UBN2: variants seen among roughly 807,000 people sequenced by gnomAD.
UBN2 encodes the protein ubinuclein-2.
A neutral mutation model predicts 120.2 loss-of-function variants in UBN2; 35 were observed. The ratio of observed to expected loss-of-function variants is 0.29; its 90% CI spans 0.22 to 0.39. The LOEUF (loss-of-function observed/expected upper bound fraction) is 0.39. Ranked by LOEUF, UBN2 falls within the 10% of genes least tolerant of loss-of-function variation. The pLI is 1.00. For synonymous variants in UBN2, 661 were observed against 648.7 expected, an observed-to-expected ratio of 1.02 and a Z score of -0.29; for missense variants, 1,693 against 1,663.2, an observed-to-expected ratio of 1.02 and a Z score of -0.31.
intron 11 of UBN2, 141 bp downstream of exon 11, chr7:139,274,215 A>T: frequency 1.2e-6 from 1 of 816,086 alleles, no homozygotes; most frequent in Non-Finnish European, 1.7e-6. Flanking sequence ...ATCTCAGATG[A>T]TCCTTGCTTT....
chr7:139,328,231 A>G, the UBN2 span, among the ~76,000 whole-genome samples: 1 of 152,202 alleles, frequency 6.6e-6, no homozygotes, highest in Non-Finnish European at 1.5e-5. Flanking sequence ...ACTTACAATC[A>G]TGATGGAAGG....
intron 3 of UBN2, among the ~76,000 whole-genome samples, chr7:139,252,262 G>A (rs1378392897): frequency 2.7e-5 from 4 of 149,424 alleles, no homozygotes; most frequent in Admixed American, 2.7e-4. Flanking sequence ...GGGTTTGTCT[G>A]TGGTGAATTG....
chr7:139,266,098 T>C (rs1256274301), intron 6 of UBN2, among the ~76,000 whole-genome samples: 2 of 151,064 alleles, frequency 1.3e-5, no homozygotes, highest in Non-Finnish European at 3.0e-5. Flanking sequence ...CTCAAAGTAA[T>C]TGTTTATTGC....
intron 5 of UBN2, among the ~76,000 whole-genome samples, 199 bp downstream of exon 5, chr7:139,259,569 G>C (rs2130978319): frequency 6.6e-6 from 1 of 152,302 alleles, no homozygotes; most frequent in African/African-American, 2.4e-5. Flanking sequence ...GAGACTCCTA[G>C]TGTTTTAGGT....
the UBN2 span, chr7:139,315,189 A>T: frequency 6.6e-6 from 1 of 150,944 alleles, no homozygotes; most frequent in African/African-American, 2.4e-5. Flanking sequence ...GTTAGCCAGG[A>T]TGGTCTCGAT....
At position 139,301,516 on chromosome 7, in the gene UBN2, A is replaced by G. The variant is rs996156430; in HGVS notation, c.*3680A>G. ...TATTTGCTGCTACATTTGTAAAATG[A>G]ACTTTGCCTGTATTGGTTGACTTTA... On this transcript the variant is annotated 3_prime_UTR_variant, in exon 18 of 18. Transcript: ENST00000473989. 1.3e-5 allele frequency: 2 copies of G among 152,212 alleles called. No homozygotes were observed. Among genetic ancestry groups the G allele is most frequent in the African/African-American group, 4.8e-5 (2 of 41,448 alleles). 9.4% of individuals were successfully genotyped at this position (152,212 alleles called of 1,614,324 possible).
the UBN2 span, among the ~76,000 whole-genome samples, chr7:139,328,541 A>G: frequency 6.6e-6 from 1 of 152,144 alleles, no homozygotes; most frequent in African/African-American, 2.4e-5. Flanking sequence ...AGAAGTCCTT[A>G]CTCTGAGCAG....
chr7:139,287,662 A>G (rs1585026698), intron 15 of UBN2, among the ~76,000 whole-genome samples: 1 of 147,184 alleles, frequency 6.8e-6, no homozygotes, highest in Non-Finnish European at 1.5e-5. Flanking sequence ...CTGCCTTCAT[A>G]TCTGATCTTT....
intron 15 of UBN2, among the ~76,000 whole-genome samples, chr7:139,290,821 G>A (rs1340280597): frequency 2.0e-5 from 3 of 152,158 alleles, no homozygotes. Context: ...TGTTTGTTGA[G>A]CAGTGGTGTA....
At chr7:139,274,921 G>T (rs1238791448) in intron 11 of UBN2, among the ~76,000 whole-genome samples, 1 of 151,992 alleles carries the variant, frequency 6.6e-6, no homozygotes, top group Non-Finnish European at 1.5e-5. Context: ...AAATAAATAA[G>T]AAAATATTCA....
intron 1 of UBN2, among the ~76,000 whole-genome samples, chr7:139,236,152 C>T (rs970733305): frequency 3.3e-5 from 5 of 152,012 alleles, no homozygotes; most frequent in East Asian, 1.9e-4. Flanking sequence ...AGGATGTGAT[C>T]GCTATTTTTG....
rs1456758591 is a variant in UBN2 at position 139,261,638 on chromosome 7, C to T, written c.1292C>T (p.Thr431Ile). Residue 431 changes from threonine to isoleucine, a missense_variant, in exon 6 of 18, where the codon ACC becomes ATC. This residue lies in a region of UBN2 where 663 missense variants were observed against 591.2 expected (regional missense o/e 1.12). Coordinates refer to ENST00000473989, the MANE Select transcript of UBN2 (RefSeq NM_173569.4). ...GAGTCGGGGGGTGAAAATGGAACCA[C>T]CACCCAGCCAACCTACACTTCTCAG... ...LSESGGENGT[T>I]TQPTYTSQVM... 6.2e-7 allele frequency: 1 copy of T among 1,614,192 alleles called. No individual in the cohort carries two copies. Among genetic ancestry groups the T allele is most frequent in the Non-Finnish European group, 8.5e-7 (1 of 1,180,036 alleles).
intron 11 of UBN2, among the ~76,000 whole-genome samples, chr7:139,274,792 A>G (rs1388804975): frequency 6.6e-6 from 1 of 151,856 alleles, no homozygotes; most frequent in Non-Finnish European, 1.5e-5. Flanking sequence ...AGAAAAAAGA[A>G]AATAGTCAGT....
intron 15 of UBN2, among the ~76,000 whole-genome samples, chr7:139,286,457 C>G (rs1563225170): frequency 6.6e-6 from 1 of 152,012 alleles, no homozygotes; most frequent in African/African-American, 2.4e-5. Flanking sequence ...CAGATTTGTC[C>G]TTTATGTTAA....
intron 2 of UBN2, among the ~76,000 whole-genome samples, chr7:139,246,717 A>G (rs1358338073): frequency 6.6e-6 from 1 of 152,090 alleles, no homozygotes; most frequent in Non-Finnish European, 1.5e-5. Flanking sequence ...TGTCCCTCCA[A>G]ACTTAGCCTC....
chr7:139,233,418 C>T (rs1381085594), intron 1 of UBN2, among the ~76,000 whole-genome samples: 3 of 152,100 alleles, frequency 2.0e-5, no homozygotes, highest in Admixed American at 1.3e-4. Flanking sequence ...TCATAAATTA[C>T]AGGAGAAAAG....
At chr7:139,270,540 A>G (rs911167054) in intron 8 of UBN2, among the ~76,000 whole-genome samples, 1 of 152,108 alleles carries the variant, frequency 6.6e-6, no homozygotes, top group Non-Finnish European at 1.5e-5. Context: ...AAGTGCTAGG[A>G]TTACAGGCGT....
Position 139,299,263 on chromosome 7 carries a change from A to C in UBN2, c.*1427A>C, listed in dbSNP as rs947606438. ...ATATCAGAGAATGGTGTAAACTCTAAATGGTATAAGCTTCATCCATTTATA... is the reference window on the plus strand; with the variant it reads ...ATATCAGAGAATGGTGTAAACTCTACATGGTATAAGCTTCATCCATTTATA... On this transcript the variant is annotated 3_prime_UTR_variant, in exon 18 of 18. Transcript: ENST00000473989. 1 of 152,150 alleles carries C rather than the reference A, an allele frequency of 6.6e-6. No homozygotes were observed. Among genetic ancestry groups the C allele is most frequent in the Admixed American group, 6.5e-5 (1 of 15,276 alleles). The allele number at this position is 152,150 out of a possible 1,614,324, so 9.4% of individuals were successfully genotyped here. A position where few individuals can be genotyped will look rare whatever the true frequency, so the allele number is the denominator to read the frequency against.
At chr7:139,253,638 C>A (rs1287336662) in intron 3 of UBN2, among the ~76,000 whole-genome samples, 1 of 152,118 alleles carries the variant, frequency 6.6e-6, no homozygotes. Context: ...CTTTTTCTTA[C>A]AAAAGGAAAA....
Sources: allele counts gnomAD v4.1 joint callset (sites outside exome capture counted in the v4.1 genomes callset), GRCh38; gene constraint gnomAD v4.1.1; regional missense constraint gnomAD v4.1.1; transcripts MANE v1.5; gene names NCBI Gene and HGNC (gene_info 2026-07-23, HGNC 2026-07-21).